Variants in LPIN1 observed in about 807,000 individuals in gnomAD.
The protein encoded by LPIN1 is lipin 1, also known as phosphatidate phosphatase LPIN1.
LPIN1 carries 71 observed loss-of-function variants against 107.5 expected under a neutral mutation model. The observed-to-expected ratio is 0.66, with a 90% CI of 0.55 to 0.80. LPIN1 has a LOEUF of 0.80. Ranked by LOEUF, LPIN1 falls within the 30% of genes least tolerant of loss-of-function variation. The pLI, the probability that LPIN1 is intolerant of heterozygous loss-of-function variation, is 0.00. For missense variants in LPIN1, 1,043 were observed against 1,160.6 expected, an observed-to-expected ratio of 0.90 and a Z score of 1.47; for synonymous variants, 445 against 452.6, an observed-to-expected ratio of 0.98 and a Z score of 0.21.
chr2:11,807,476 C>T (rs1447563012), intron 17 of LPIN1, among the ~76,000 whole-genome samples: 1 of 150,810 alleles, frequency 6.6e-6, no homozygotes, highest in Non-Finnish European at 1.5e-5. Flanking sequence ...TATTTCTGTC[C>T]TTACTGTAAC....
chr2:11,715,482 T>A (rs1160638386), intron 2 of LPIN1, among the ~76,000 whole-genome samples: 2 of 152,204 alleles, frequency 1.3e-5, no homozygotes, highest in Non-Finnish European at 2.9e-5. Flanking sequence ...ATCTGGGCCA[T>A]GGCTCTGCCA....
chr2:11,743,306 G>A (rs1203638037), upstream of LPIN1, among the ~76,000 whole-genome samples: 2 of 152,180 alleles, frequency 1.3e-5, no homozygotes, highest in Admixed American at 6.5e-5. The surrounding 1 kb of genome is among the most constrained non-coding windows in gnomAD (Gnocchi z 4.7). Flanking sequence ...CCGGGTGACC[G>A]TCAAAACCTT....
chr2:11,694,064 C>T (rs1264244056), intron 1 of LPIN1, among the ~76,000 whole-genome samples: 3 of 151,402 alleles, frequency 2.0e-5, no homozygotes, highest in Admixed American at 6.6e-5. Context: ...GAACTCCTGA[C>T]CTCAGGTGAT....
chr2:11,732,081 T>C (rs1309498561), intron 1 of LPIN1, among the ~76,000 whole-genome samples: 1 of 152,216 alleles, frequency 6.6e-6, no homozygotes, highest in Non-Finnish European at 1.5e-5. Context: ...TTAGTTTAAT[T>C]AGATTCCATT....
At chr2:11,798,180 T>A (rs1206980236) in intron 14 of LPIN1, among the ~76,000 whole-genome samples, 1 of 152,246 alleles carries the variant, frequency 6.6e-6, no homozygotes, top group Non-Finnish European at 1.5e-5. Flanking sequence ...TGTGGAACTG[T>A]GAGTCAATTA....
rs1277764833 is a variant in LPIN1 at position 11,804,527 on chromosome 2, G to A, written c.2118G>A (p.Trp706Ter). Reference protein sequence around the residue: ...RCEGTIYLWNWDDKVIISDID... With the variant: ...RCEGTIYLWN The stretch of plus-strand genomic sequence containing the variant: ...AGGGCACCATCTATCTGTGGAACTG[G>A]GATGATAAAGTCATCATTTCTGATA... Residue 706 changes from tryptophan (W) to a stop codon, truncating the protein, a stop_gained, in exon 16 of 21, where the codon TGG (tryptophan) becomes TGA (stop). Coordinates refer to ENST00000674199, the MANE Select transcript of LPIN1 (RefSeq NM_001349206.2). LOFTEE classifies it high-confidence loss of function. The A allele has an allele frequency of 1.9e-6, 3 of 1,614,054 alleles. No homozygotes were observed. The South Asian group carries it at 3.3e-5, about 18-fold the overall frequency.
At position 11,803,239 on chromosome 2, in the gene LPIN1, T is replaced by G. The variant is rs577284094; in HGVS notation, c.2013+206T>G. On this transcript the variant is annotated intron_variant, in intron 15 of 20. Transcript: ENST00000674199. The surrounding 1 kb of genome is among the most constrained non-coding windows in gnomAD (Gnocchi z 4.2). The stretch of plus-strand genomic sequence containing the variant: ...CCCCAATATGACCTTGCCTTTTGTC[T>G]TCTCCTTTTGCTGGCCTGGCCCTGG... Among the ~76,000 whole-genome samples the G allele has an allele frequency of 6.6e-6, 1 of 152,312 alleles. No homozygotes were observed. Among genetic ancestry groups the G allele is most frequent in the Admixed American group, 6.5e-5 (1 of 15,312 alleles).
intron 1 of LPIN1, among the ~76,000 whole-genome samples, chr2:11,683,913 T>A (rs4233898): frequency 0.98 from 149,931 of 152,340 alleles, 73,833 homozygotes; most frequent in East Asian, 1. Flanking sequence ...CCCTGGGCTC[T>A]TCATCTTTAA....
intron 2 of LPIN1, among the ~76,000 whole-genome samples, chr2:11,716,643 T>C (rs1476162067): frequency 1.3e-5 from 2 of 152,104 alleles, no homozygotes; most frequent in African/African-American, 2.4e-5. Flanking sequence ...GGGTTGCCTG[T>C]GGACTCGTGA....
Position 11,786,932 on chromosome 2 carries a change from A to G in LPIN1, c.1550-142A>G, listed in dbSNP as rs1321028641. On this transcript the variant is annotated intron_variant, in intron 10 of 20. Transcript: ENST00000674199. The surrounding 1 kb of genome is among the most constrained non-coding windows in gnomAD (Gnocchi z 4.1). Reference sequence around the variant, plus strand: ...AGGTAAAATGGTGCGGCCTTTACAAATACATTTTATAGGATTGTCTGCACA... The same window carrying G: ...AGGTAAAATGGTGCGGCCTTTACAAGTACATTTTATAGGATTGTCTGCACA... The G allele has an allele frequency of 1.4e-6, 1 of 705,652 alleles. No homozygotes were observed. The highest frequency in any genetic ancestry group is 2.6e-6 in the Non-Finnish European group (1 of 386,842). 43.7% of individuals were successfully genotyped at this position (705,652 alleles called of 1,614,324 possible). A position where few individuals can be genotyped will look rare whatever the true frequency, so the allele number is the denominator to read the frequency against.
chr2:11,792,407 C>CTTTCTTTTT (rs1261807158), intron 13 of LPIN1: 7 of 245,450 alleles, frequency 2.9e-5, no homozygotes, highest in Admixed American at 5.0e-5. Context: ...TTTTTGGAGA[C>CTTTCTTTTT]GGGCTTGCTC....
At chr2:11,740,774 G>C (rs1428131402) in intron 1 of LPIN1, among the ~76,000 whole-genome samples, 1 of 151,690 alleles carries the variant, frequency 6.6e-6, no homozygotes, top group Non-Finnish European at 1.5e-5. Context: ...ATTGATATGG[G>C]GTTAAATAAT....
chr2:11,808,086 A>C (rs2148708607), intron 17 of LPIN1, among the ~76,000 whole-genome samples: 1 of 152,144 alleles, frequency 6.6e-6, no homozygotes. Context: ...ATAGCCTTTA[A>C]TGCCTGGCTC....
intron 6 of LPIN1, 48 bp from the exon 7 acceptor site, chr2:11,779,471 C>A: frequency 6.2e-7 from 1 of 1,606,764 alleles, no homozygotes; most frequent in Admixed American, 1.7e-5. Context: ...AAAACATTTA[C>A]AAAAGTTTCT....
Position 11,815,231 on chromosome 2 carries a change from C to A in LPIN1, c.2393C>A (p.Ala798Asp), listed in dbSNP as rs774737339. Residue 798 changes from alanine (A) to aspartate (D), a missense_variant, in exon 18 of 21, where the codon GCC becomes GAC. Coordinates refer to ENST00000674199, the MANE Select transcript of LPIN1 (RefSeq NM_001349206.2). ...LLLSPSSLFS[A>D]LHREVIEKKP... ...CTGAGTCCCAGCAGCCTCTTCTCTGCCCTGCACAGGTACCAGGCCTGCTCC... is the reference window on the plus strand; with the variant it reads ...CTGAGTCCCAGCAGCCTCTTCTCTGACCTGCACAGGTACCAGGCCTGCTCC... 2.7e-5 allele frequency: 44 copies of A among 1,613,942 alleles called. No homozygotes were observed. Among genetic ancestry groups the A allele is most frequent in the Non-Finnish European group, 1.7e-6 (2 of 1,179,998 alleles).
At chr2:11,748,324 C>T (rs1456317996) in intron 1 of LPIN1, among the ~76,000 whole-genome samples, 1 of 152,202 alleles carries the variant, frequency 6.6e-6, no homozygotes, top group Non-Finnish European at 1.5e-5. Context: ...CCTGAGGCCA[C>T]CGTGGTCTGA....
chr2:11,786,581 G>T lies in LPIN1; in HGVS notation c.1550-493G>T, dbSNP rs915460019. Reference sequence around the variant, plus strand: ...TGGAGGCAGCCCCATTTTTGAAAGGGCCCTGTGCTTTCTATTTACGACATT... The same window carrying T: ...TGGAGGCAGCCCCATTTTTGAAAGGTCCCTGTGCTTTCTATTTACGACATT... On this transcript the variant is annotated intron_variant, in intron 10 of 20. Coordinates refer to ENST00000674199, the MANE Select transcript of LPIN1 (RefSeq NM_001349206.2). The surrounding 1 kb of genome is among the most constrained non-coding windows in gnomAD (Gnocchi z 4.1). 2.6e-5 allele frequency among the ~76,000 whole-genome samples: 4 copies of T among 152,092 alleles called. No individual in the cohort carries two copies. Among genetic ancestry groups the T allele is most frequent in the African/African-American group, 9.7e-5 (4 of 41,408 alleles).
upstream of LPIN1, chr2:11,724,285 G>A (rs1558754660): frequency 4.3e-6 from 4 of 932,436 alleles, no homozygotes; most frequent in Admixed American, 6.2e-5. Flanking sequence ...CCCCGTGGGG[G>A]GCATCAGAAT....
At chr2:11,793,804 T>C (rs1359684078) in intron 13 of LPIN1, among the ~76,000 whole-genome samples, 1 of 152,204 alleles carries the variant, frequency 6.6e-6, no homozygotes, top group Admixed American at 6.5e-5. Flanking sequence ...GCGTGACTAT[T>C]TGATGAACCT....
Sources: gnomAD v4.1 joint callset for allele counts (sites outside exome capture counted in the v4.1 genomes callset) on GRCh38, gnomAD v4.1.1 for gene constraint, Gnocchi (gnomAD v3.1) non-coding constraint, MANE v1.5 for transcripts, NCBI Gene and HGNC (gene_info 2026-07-23, HGNC 2026-07-21) for gene names.